The following THRB variants were observed in gnomAD, a reference collection of about 807,000 sequenced individuals.
THRB encodes thyroid hormone receptor beta, also known as nuclear receptor subfamily 1 group A member 2.
In THRB, 12 loss-of-function variants were observed where a neutral mutation model predicts 47.8. The ratio of observed to expected loss-of-function variants is 0.25; its 90% CI spans 0.16 to 0.41. The LOEUF is 0.41. THRB is among the 10% of genes least tolerant of loss of function. The probability of loss-of-function intolerance (pLI) is 1.00; values close to 1 mark genes in which losing one functional copy is unlikely to be tolerated. For missense variants in THRB, 348 were observed against 589.2 expected, an observed-to-expected ratio of 0.59 and a Z score of 4.24; for synonymous variants, 218 against 212.2, an observed-to-expected ratio of 1.03 and a Z score of -0.24.
intron 1 of THRB, chr3:24,457,927 T>C (rs2073340206): frequency 6.6e-6 from 1 of 152,114 alleles, no homozygotes; most frequent in Non-Finnish European, 1.5e-5. Context: ...AATTACTCAG[T>C]AACTGCTTTA....
chr3:24,212,440 G>C lies in THRB; in HGVS notation c.22+16498C>G, dbSNP rs529793018. ...CAAAAAACGAAACGAAAATTAGCCA[G>C]GCATGGTGGCGGGCACCTGTAATCC... On this transcript the variant is annotated intron_variant, in intron 4 of 10. Coordinates refer to ENST00000646209, the MANE Select transcript of THRB (RefSeq NM_001354712.2). Among the ~76,000 whole-genome samples, 5 of 151,478 alleles carry C rather than the reference G, an allele frequency of 3.3e-5. 1 individual carries two copies. The South Asian group carries it at 1.0e-3, about 32-fold the overall frequency.
At chr3:24,483,434 A>G (rs1371481372) in intron 1 of THRB, among the ~76,000 whole-genome samples, 1 of 152,150 alleles carries the variant, frequency 6.6e-6, no homozygotes, top group Non-Finnish European at 1.5e-5. Flanking sequence ...TACCTCTGTC[A>G]ACATACCAAG....
intron 2 of THRB, among the ~76,000 whole-genome samples, chr3:24,333,555 C>T (rs924983909): frequency 2.0e-4 from 31 of 152,174 alleles, no homozygotes; most frequent in Non-Finnish European, 3.2e-4. Context: ...TGCTCTCATG[C>T]ACATTAAACT....
At chr3:24,324,520 A>G (rs1326437123) in intron 2 of THRB, among the ~76,000 whole-genome samples, 1 of 152,192 alleles carries the variant, frequency 6.6e-6, no homozygotes, top group Non-Finnish European at 1.5e-5. Context: ...TGTTACATCC[A>G]GTTACTTTTT....
intron 2 of THRB, among the ~76,000 whole-genome samples, chr3:24,309,956 G>A (rs1346859994): frequency 2.0e-5 from 3 of 152,308 alleles, no homozygotes; most frequent in South Asian, 4.1e-4. Context: ...GAAAGTTAAG[G>A]AAGAACATAG....
At chr3:24,290,300 T>C (rs906950693) in intron 3 of THRB, among the ~76,000 whole-genome samples, 1 of 152,206 alleles carries the variant, frequency 6.6e-6, no homozygotes, top group Non-Finnish European at 1.5e-5. Flanking sequence ...GTCTCTCTCT[T>C]GGGCCATACA....
At chr3:24,211,104 G>A (rs1432260205) in intron 4 of THRB, among the ~76,000 whole-genome samples, 1 of 151,516 alleles carries the variant, frequency 6.6e-6, no homozygotes, top group Admixed American at 6.6e-5. Context: ...GGAGGCTGAG[G>A]CCGGAGAATC....
At chr3:24,157,560 A>T (rs1169483120) in intron 5 of THRB, among the ~76,000 whole-genome samples, 2 of 152,100 alleles carry the variant, frequency 1.3e-5, no homozygotes, top group African/African-American at 4.8e-5. Context: ...ACAGGGACTC[A>T]CTTCTGTCAC....
At chr3:24,156,061 A>G (rs1177616501) in intron 5 of THRB, among the ~76,000 whole-genome samples, 6 of 152,264 alleles carry the variant, frequency 3.9e-5, no homozygotes, top group Non-Finnish European at 8.8e-5. Context: ...TCTGTTCAAC[A>G]AAGGACTTGA....
rs1449273615 is a variant in THRB at position 24,123,023 on chromosome 3, T to C, written c.1247A>G (p.His416Arg). The C allele has an allele frequency of 6.2e-7, 1 of 1,614,032 alleles. No homozygotes were observed. The highest frequency in any genetic ancestry group is 8.5e-7 in the Non-Finnish European group (1 of 1,180,032). The change falls in exon 11 of 11, where the codon CAC becomes CGC. Residue 416 changes from histidine to arginine, a missense_variant. This residue lies in a region of THRB where 36 missense variants were observed against 51.7 expected (regional missense o/e 0.70). Transcript: ENST00000646209. ...CTTCATCAGGAGTTTTGGCCAAAAG[T>C]GTGTCACGTGGTGTTTTCGGTAATT... ...YINYRKHHVT[H>R]FWPKLLMKVT...
At chr3:24,225,708 A>G (rs1253374359) in intron 4 of THRB, among the ~76,000 whole-genome samples, 3 of 152,196 alleles carry the variant, frequency 2.0e-5, no homozygotes, top group Non-Finnish European at 2.9e-5. Context: ...GGTTTTATTA[A>G]AAATAGAGCT....
chr3:24,441,411 G>A (rs908583684), intron 1 of THRB, among the ~76,000 whole-genome samples: 3 of 152,198 alleles, frequency 2.0e-5, no homozygotes, highest in African/African-American at 7.2e-5. Flanking sequence ...GTGAGGAACT[G>A]TGGTAGAGGA....
chr3:24,407,819 C>G (rs1291146562), intron 1 of THRB, among the ~76,000 whole-genome samples: 1 of 151,796 alleles, frequency 6.6e-6, no homozygotes, highest in Non-Finnish European at 1.5e-5. Flanking sequence ...AGCCAAGGTA[C>G]CAAAGGATAC....
chr3:24,444,290 A>C (rs1226571168), intron 1 of THRB, among the ~76,000 whole-genome samples: 3 of 152,140 alleles, frequency 2.0e-5, no homozygotes, highest in African/African-American at 4.8e-5. Context: ...AACTCAGGAG[A>C]ACTAAGTGAA....
At chr3:24,129,211 A>G (rs2033430200) in intron 9 of THRB, among the ~76,000 whole-genome samples, 1 of 152,166 alleles carries the variant, frequency 6.6e-6, no homozygotes, top group South Asian at 2.1e-4. Context: ...ATTTTTTAAA[A>G]AGCACTGTGA....
At chr3:24,478,638 A>G (rs1449345557) in intron 1 of THRB, among the ~76,000 whole-genome samples, 4 of 152,292 alleles carry the variant, frequency 2.6e-5, no homozygotes, top group Admixed American at 2.6e-4. Flanking sequence ...ACAGAGTACA[A>G]GTGTAGGACA....
chr3:24,471,436 T>C (rs1012236253), intron 1 of THRB, among the ~76,000 whole-genome samples: 1 of 152,246 alleles, frequency 6.6e-6, no homozygotes, highest in Admixed American at 6.5e-5. Flanking sequence ...TAATAATTGA[T>C]AGTCTTTTAG....
intron 1 of THRB, among the ~76,000 whole-genome samples, chr3:24,428,653 T>C (rs532639055): frequency 3.0e-4 from 45 of 152,106 alleles, no homozygotes; most frequent in African/African-American, 9.6e-4. Flanking sequence ...AATGCTGAGC[T>C]TATCAAAATG....
chr3:24,409,785 T>C (rs1326188686), intron 1 of THRB, among the ~76,000 whole-genome samples: 1 of 151,746 alleles, frequency 6.6e-6, no homozygotes, highest in African/African-American at 2.4e-5. Flanking sequence ...GCTACAACTG[T>C]AGAAAATAAT....
Sources: allele counts gnomAD v4.1 joint callset (sites outside exome capture counted in the v4.1 genomes callset), GRCh38; gene constraint gnomAD v4.1.1; regional missense constraint gnomAD v4.1.1; transcripts MANE v1.5; gene names NCBI Gene and HGNC (gene_info 2026-07-23, HGNC 2026-07-21).